The following AFAP1 variants were observed in gnomAD, a reference collection of about 807,000 sequenced individuals.
AFAP1 encodes actin filament-associated protein 1.
AFAP1 carries 75 observed loss-of-function variants against 93.9 expected under a neutral mutation model. The observed-to-expected ratio is 0.80, with a 90% CI of 0.66 to 0.97. The LOEUF is 0.97. AFAP1 is among the 50% of genes least tolerant of loss of function. The pLI is 0.00. For synonymous variants in AFAP1, 517 were observed against 430.7 expected, an observed-to-expected ratio of 1.20 and a Z score of -2.48; for missense variants, 1,201 against 1,050.8, an observed-to-expected ratio of 1.14 and a Z score of -1.98.
intron 1 of AFAP1, among the ~76,000 whole-genome samples, chr4:7,913,030 TAG>T (rs1418520861): frequency 8.5e-5 from 13 of 152,246 alleles, no homozygotes; most frequent in Admixed American, 5.2e-4. Context: ...TTAGTTTTTG[TAG>T]AGATAGGATC....
In AFAP1 at chr4:7,798,370, G is replaced by A. The variant is rs546361383; in HGVS notation, c.1266+2072C>T. On this transcript the variant is annotated intron_variant, in intron 10 of 17. Coordinates refer to ENST00000420658, the MANE Select transcript of AFAP1 (RefSeq NM_001134647.2). ...TCACAGCACTGCAACTCTATTGGCT[G>A]GCTCACGGCACTGCAACCCTATTGG... Among the ~76,000 whole-genome samples the A allele has an allele frequency of 4.2e-3, 531 of 126,098 alleles. 5 individuals are homozygous for A. The highest frequency in any genetic ancestry group is 0.014 in the African/African-American group (511 of 35,764). 82.7% of individuals were successfully genotyped at this position (126,098 alleles called of 152,430 possible). A position where few individuals can be genotyped will look rare whatever the true frequency, so the allele number is the denominator to read the frequency against.
At chr4:7,800,334 G>C in intron 10 of AFAP1, 108 bp downstream of exon 10, 1 of 1,169,370 alleles carries the variant, frequency 8.6e-7, no homozygotes, top group South Asian at 1.4e-5. Context: ...AAGAGGTACT[G>C]TCAGCGAGAT....
intron 15 of AFAP1, chr4:7,773,629 C>T (rs1715739367): frequency 6.5e-6 from 1 of 152,764 alleles, no homozygotes; most frequent in East Asian, 1.9e-4. Flanking sequence ...AAAAGCACTC[C>T]TGGCCCTCCT....
At chr4:7,863,284 T>C (rs1444118828) in intron 3 of AFAP1, among the ~76,000 whole-genome samples, 1 of 152,064 alleles carries the variant, frequency 6.6e-6, no homozygotes, top group Non-Finnish European at 1.5e-5. Flanking sequence ...CCAGACATGA[T>C]GGTGCGTGCC....
In AFAP1 at chr4:7,900,043, C is replaced by T. The variant is rs143123387; in HGVS notation, c.-2-27963G>A. Reference sequence around the variant, plus strand: ...AAGACTAAGCCATGGCAAATACCCCCAGCAACTCTGCAAGGAGAACATCCA... The same window carrying T: ...AAGACTAAGCCATGGCAAATACCCCTAGCAACTCTGCAAGGAGAACATCCA... On this transcript the variant is annotated intron_variant, in intron 1 of 17. Transcript: ENST00000420658. Among the ~76,000 whole-genome samples the T allele has an allele frequency of 1.7e-3, 262 of 152,274 alleles. 1 individual carries two copies. The highest frequency in any genetic ancestry group is 3.1e-3 in the Non-Finnish European group (210 of 68,018).
At chr4:7,796,787 C>T (rs1718469069) in intron 10 of AFAP1, among the ~76,000 whole-genome samples, 1 of 147,760 alleles carries the variant, frequency 6.8e-6, no homozygotes, top group Non-Finnish European at 1.5e-5. Context: ...GGGTTGGGCA[C>T]GGTGGCTCAT....
At chr4:7,864,167 A>ATT (rs1577313455) in intron 3 of AFAP1, among the ~76,000 whole-genome samples, 9 of 125,780 alleles carry the variant, frequency 7.2e-5, no homozygotes, top group Admixed American at 2.5e-4. Context: ...ATCACAACCC[A>ATT]CAGGTCCTTT....
At chr4:7,798,923 TCCTTGCAAC>T in intron 10 of AFAP1, 1 of 987,098 alleles carries the variant, frequency 1.0e-6, no homozygotes, top group Non-Finnish European at 1.2e-6. Flanking sequence ...TGCCTCCTTC[TCCTTGCAAC>T]CCTTCTCAGA....
chr4:7,892,959 G>A lies in AFAP1; in HGVS notation c.-2-20879C>T, dbSNP rs187644560. ...AAGAGAACATCAAAACACACAACCA[G>A]AAAAAGATAAACTGGAGCATTTCAA... On this transcript the variant is annotated intron_variant, in intron 1 of 17. Coordinates refer to ENST00000420658, the MANE Select transcript of AFAP1 (RefSeq NM_001134647.2). Among the ~76,000 whole-genome samples, 366 of 152,194 alleles carry A rather than the reference G, an allele frequency of 2.4e-3. 2 individuals carry two copies. Among genetic ancestry groups the A allele is most frequent in the Admixed American group, 3.0e-3 (46 of 15,296 alleles).
At chr4:7,919,367 A>C (rs935604623) in intron 1 of AFAP1, among the ~76,000 whole-genome samples, 3 of 152,204 alleles carry the variant, frequency 2.0e-5, no homozygotes, top group Non-Finnish European at 4.4e-5. Context: ...AGAAATGTAA[A>C]ATGTCTGTGT....
chr4:7,916,429 C>G (rs950167445), intron 1 of AFAP1, among the ~76,000 whole-genome samples: 8 of 152,186 alleles, frequency 5.3e-5, no homozygotes, highest in Non-Finnish European at 1.2e-4. Flanking sequence ...ACTTGCGTCT[C>G]AAAAAGCTTC....
intron 9 of AFAP1, among the ~76,000 whole-genome samples, chr4:7,808,937 A>G: frequency 6.6e-6 from 1 of 152,220 alleles, no homozygotes; most frequent in East Asian, 1.9e-4. Flanking sequence ...CCATACTTGT[A>G]TAGCCTGCAG....
At chr4:7,863,666 G>A (rs1298682845) in intron 3 of AFAP1, among the ~76,000 whole-genome samples, 2 of 152,034 alleles carry the variant, frequency 1.3e-5, no homozygotes, top group African/African-American at 4.8e-5. Flanking sequence ...TAGCCAGGTG[G>A]AAAGACGCAC....
intron 1 of AFAP1, among the ~76,000 whole-genome samples, chr4:7,902,043 C>T (rs767059027): frequency 6.6e-5 from 10 of 152,152 alleles, no homozygotes; most frequent in Non-Finnish European, 1.3e-4. Flanking sequence ...ATAGAGAAGA[C>T]AACTTTTGAT....
rs1560164848 is a variant in AFAP1, at chr4:7,798,097, GGCATTGCAACTCTATTGGCTGGCTCACA to G, written c.1266+2317_1266+2344del. Reference sequence around the variant, plus strand: ...ATTGCAACTCTATTGGCTGGCTCACGGCATTGCAACTCTATTGGCTGGCTCACAGCACTGCAACTCTATTGGCTGGCTC... The same window carrying G: ...ATTGCAACTCTATTGGCTGGCTCACGGCACTGCAACTCTATTGGCTGGCTC... On this transcript the variant is annotated intron_variant, in intron 10 of 17. Coordinates refer to ENST00000420658, the MANE Select transcript of AFAP1 (RefSeq NM_001134647.2). 5.2e-4 allele frequency among the ~76,000 whole-genome samples: 49 copies of G among 93,680 alleles called. 2 individuals carry two copies. Among genetic ancestry groups the G allele is most frequent in the Middle Eastern group, 4.6e-3 (1 of 216 alleles). The allele number at this position is 93,680 out of a possible 152,430, so 61.5% of individuals were successfully genotyped here.
At chr4:7,800,338 G>T in intron 10 of AFAP1, 104 bp downstream of exon 10, 1 of 1,219,214 alleles carries the variant, frequency 8.2e-7, no homozygotes, top group Non-Finnish European at 1.2e-6. Flanking sequence ...GGTACTGTCA[G>T]CGAGATGGGA....
At chr4:7,934,655 A>G (rs1350767631) in intron 1 of AFAP1, among the ~76,000 whole-genome samples, 1 of 152,142 alleles carries the variant, frequency 6.6e-6, no homozygotes, top group Non-Finnish European at 1.5e-5. Context: ...ACAGCTTCTG[A>G]GGTGGCTGGA....
At chr4:7,795,988 T>C (rs1205304729) in intron 10 of AFAP1, among the ~76,000 whole-genome samples, 1 of 152,146 alleles carries the variant, frequency 6.6e-6, no homozygotes, top group Non-Finnish European at 1.5e-5. Flanking sequence ...TGGGTGCATA[T>C]ATGTATGTAT....
rs1713768400 is a variant in AFAP1, at chr4:7,761,350, T to C, written c.*2415A>G. 1 of 152,262 alleles carries C rather than the reference T, an allele frequency of 6.6e-6. No homozygotes were observed. Among genetic ancestry groups the C allele is most frequent in the African/African-American group, 2.4e-5 (1 of 41,470 alleles). The allele number at this position is 152,262 out of a possible 1,614,324, so 9.4% of individuals were successfully genotyped here. A position where few individuals can be genotyped will look rare whatever the true frequency, so the allele number is the denominator to read the frequency against. ...ACGTTTGCCTCCGCTTTAAAAGGCT[T>C]AGGGTTGTGGATGTGAATTACAAAC... On this transcript the variant is annotated 3_prime_UTR_variant, in exon 18 of 18. Coordinates refer to ENST00000420658, the MANE Select transcript of AFAP1 (RefSeq NM_001134647.2).
Sources: allele counts gnomAD v4.1 joint callset (sites outside exome capture counted in the v4.1 genomes callset), GRCh38; gene constraint gnomAD v4.1.1; transcripts MANE v1.5; gene names NCBI Gene and HGNC (gene_info 2026-07-23, HGNC 2026-07-21).